The following NUSAP1 variants were observed in gnomAD, a reference collection of about 807,000 sequenced individuals.
The protein encoded by NUSAP1 is nucleolar and spindle-associated protein 1.
In NUSAP1, 32 loss-of-function variants were observed where a neutral mutation model predicts 52.8. The observed-to-expected ratio is 0.61, with a 90% CI of 0.46 to 0.81. The LOEUF (loss-of-function observed/expected upper bound fraction) is 0.81, where lower values mean the gene tolerates loss of function less well. Ranked by LOEUF, NUSAP1 falls within the 40% of genes least tolerant of loss-of-function variation. NUSAP1 has a pLI of 0.00. For synonymous variants in NUSAP1, 195 were observed against 183.1 expected, an observed-to-expected ratio of 1.06 and a Z score of -0.52; for missense variants, 499 against 522.3, an observed-to-expected ratio of 0.96 and a Z score of 0.43.
Position 41,371,407 on chromosome 15 carries a change from A to G in NUSAP1, c.849-120A>G, listed in dbSNP as rs892805905. The G allele has an allele frequency of 1.1e-5, 8 of 755,568 alleles. 1 individual carries two copies. Among genetic ancestry groups the G allele is most frequent in the Non-Finnish European group, 1.6e-5 (8 of 494,002 alleles). The allele number at this position is 755,568 out of a possible 1,614,324, so 46.8% of individuals were successfully genotyped here. On this transcript the variant is annotated intron_variant, in intron 7 of 10. Coordinates refer to ENST00000559596, the MANE Select transcript of NUSAP1 (RefSeq NM_016359.5). The stretch of plus-strand genomic sequence containing the variant: ...TCTGCAAAAGAGGTTCGTTCCTATG[A>G]CAATTATTAATTGAGGCCCTTTTCA...
At chr15:41,342,480 T>A (rs754728015) in intron 2 of NUSAP1, 26 bp downstream of exon 2, 2 of 1,478,830 alleles carry the variant, frequency 1.4e-6, no homozygotes, top group Non-Finnish European at 1.8e-6. Context: ...CATGTTTACC[T>A]GTTAGCTAGC....
At chr15:41,377,567 C>T (rs528905356) in intron 10 of NUSAP1, among the ~76,000 whole-genome samples, 142 of 151,598 alleles carry the variant, frequency 9.4e-4, no homozygotes, top group African/African-American at 2.9e-3. Flanking sequence ...GGCATGGTGG[C>T]GGGCGCCTGT....
intron 1 of NUSAP1, among the ~76,000 whole-genome samples, chr15:41,333,588 T>C (rs756956437): frequency 4.4e-4 from 67 of 152,330 alleles, no homozygotes; most frequent in Non-Finnish European, 7.8e-4. Context: ...ATGGTCTCTA[T>C]CAAAACCAGT....
chr15:41,371,952 T>C (rs980002272), intron 8 of NUSAP1, among the ~76,000 whole-genome samples: 4 of 152,094 alleles, frequency 2.6e-5, no homozygotes, highest in Admixed American at 1.3e-4. Context: ...GTATTTTTAA[T>C]AGAGACAGTT....
At position 41,346,828 on chromosome 15, in the gene NUSAP1, AAAATAAATAAATAAATAAATAAAT is replaced by A. The variant is rs71431808; in HGVS notation, c.163-2240_163-2217del. On this transcript the variant is annotated intron_variant, in intron 2 of 10. Transcript: ENST00000559596. ...GGCAACAGAGCCAGACCCCGTCTCAAAAATAAATAAATAAATAAATAAATAAATAAATAAATAAATAAATAAATA... is the reference window on the plus strand; with the variant it reads ...GGCAACAGAGCCAGACCCCGTCTCAAAAATAAATAAATAAATAAATAAATA... 3.1e-3 allele frequency among the ~76,000 whole-genome samples: 402 copies of A among 130,322 alleles called. 1 individual carries two copies. The highest frequency in any genetic ancestry group is 0.01 in the African/African-American group (344 of 34,130). The allele number at this position is 130,322 out of a possible 152,430, so 85.5% of individuals were successfully genotyped here.
intron 8 of NUSAP1, among the ~76,000 whole-genome samples, chr15:41,373,531 C>T (rs1412711979): frequency 6.9e-6 from 1 of 144,930 alleles, no homozygotes; most frequent in Non-Finnish European, 1.5e-5. Flanking sequence ...CTCACTGCAA[C>T]CTCCGCCTCC....
chr15:41,349,295 CT>C, intron 3 of NUSAP1, 54 bp downstream of exon 3: 1 of 1,514,880 alleles, frequency 6.6e-7, no homozygotes. Flanking sequence ...AATTGGCATA[CT>C]TTTATGGAGA....
intron 1 of NUSAP1, among the ~76,000 whole-genome samples, chr15:41,339,162 G>T (rs762262295): frequency 6.6e-6 from 1 of 152,104 alleles, no homozygotes; most frequent in Non-Finnish European, 1.5e-5. Flanking sequence ...CCACATATTA[G>T]GTGATATTAG....
At chr15:41,349,347 G>T in intron 3 of NUSAP1, 106 bp downstream of exon 3, 1 of 1,142,048 alleles carries the variant, frequency 8.8e-7, no homozygotes, top group East Asian at 2.5e-5. Flanking sequence ...TGTTTGTAAG[G>T]TTACTGTGTG....
chr15:41,363,647 A>G (rs1316380669), intron 6 of NUSAP1, among the ~76,000 whole-genome samples: 1 of 151,892 alleles, frequency 6.6e-6, no homozygotes, highest in African/African-American at 2.4e-5. Flanking sequence ...TACTGAGATT[A>G]TAGGCATGGG....
intron 2 of NUSAP1, chr15:41,344,133 C>G (rs894159840): frequency 2.7e-5 from 4 of 146,752 alleles, no homozygotes; most frequent in Non-Finnish European, 6.0e-5. Flanking sequence ...AGGAGAATCA[C>G]TTGAATCCGT....
intron 8 of NUSAP1, 75 bp downstream of exon 8, chr15:41,371,759 C>G: frequency 1.4e-6 from 2 of 1,477,850 alleles, no homozygotes; most frequent in Non-Finnish European, 1.8e-6. Flanking sequence ...TTAGGTATAT[C>G]TGTTTTTTTT....
In NUSAP1 at chr15:41,353,228, G is replaced by A. The variant is rs143907718; in HGVS notation, c.448+2099G>A. 5.7e-4 allele frequency among the ~76,000 whole-genome samples: 87 copies of A among 152,216 alleles called. 2 individuals are homozygous for A. In the East Asian group the frequency reaches 0.016, roughly 29 times the overall value. On this transcript the variant is annotated intron_variant, in intron 4 of 10. Transcript: ENST00000559596. The stretch of plus-strand genomic sequence containing the variant: ...TACAGTGACAGGATCTCGGCTCATT[G>A]CAACCTTTGCCTCCCAGTCTCAAGC...
chr15:41,377,771 G>GA (rs1285768925), intron 10 of NUSAP1, among the ~76,000 whole-genome samples: 1 of 149,872 alleles, frequency 6.7e-6, no homozygotes, highest in African/African-American at 2.4e-5. Flanking sequence ...TTGGGAGGCC[G>GA]AGGGGGGCAG....
At chr15:41,348,962 A>G in intron 2 of NUSAP1, 136 bp from the exon 3 acceptor site, 1 of 825,210 alleles carries the variant, frequency 1.2e-6, no homozygotes. Flanking sequence ...GTCTTTGCCT[A>G]CAATTTACCG....
intron 10 of NUSAP1, among the ~76,000 whole-genome samples, chr15:41,378,774 A>G (rs983516947): frequency 6.6e-6 from 1 of 151,934 alleles, no homozygotes. Flanking sequence ...CCGTCTCAAA[A>G]AAGAAAAAAG....
intron 1 of NUSAP1, among the ~76,000 whole-genome samples, chr15:41,336,853 A>T (rs1267322108): frequency 1.3e-5 from 2 of 151,242 alleles, no homozygotes; most frequent in Non-Finnish European, 2.9e-5. Context: ...TTTGAGGATA[A>T]TTACTTTTTA....
At chr15:41,336,230 C>T (rs1423881487) in intron 1 of NUSAP1, among the ~76,000 whole-genome samples, 1 of 151,308 alleles carries the variant, frequency 6.6e-6, no homozygotes, top group Non-Finnish European at 1.5e-5. Flanking sequence ...CACACCATTG[C>T]ACTCCAGCCT....
intron 6 of NUSAP1, among the ~76,000 whole-genome samples, chr15:41,358,636 G>A (rs918076493): frequency 2.0e-5 from 3 of 152,304 alleles, no homozygotes; most frequent in African/African-American, 7.2e-5. Context: ...TCAGGAGGCT[G>A]AGGCAGGAGA....
Sources: allele counts gnomAD v4.1 joint callset (sites outside exome capture counted in the v4.1 genomes callset), GRCh38; gene constraint gnomAD v4.1.1; transcripts MANE v1.5; gene names NCBI Gene and HGNC (gene_info 2026-07-23, HGNC 2026-07-21).